The following ROBO2 variants were observed in gnomAD, a reference collection of about 807,000 sequenced individuals.
ROBO2 encodes roundabout guidance receptor 2, also known as roundabout homolog 2.
ROBO2 carries 53 observed loss-of-function variants against 160.8 expected under a neutral mutation model. The ratio of observed to expected loss-of-function variants is 0.33; its 90% CI spans 0.26 to 0.41. The LOEUF (loss-of-function observed/expected upper bound fraction) is 0.41. Ranked by LOEUF, ROBO2 falls within the 10% of genes least tolerant of loss-of-function variation. ROBO2 has a pLI of 1.00. For synonymous variants in ROBO2, 664 were observed against 611.7 expected (o/e 1.09, Z -1.26); for missense variants, 1,577 against 1,722.4 (o/e 0.92, Z 1.49).
At chr3:76,007,041 G>A (rs1050304705) in intron 2 of ROBO2, among the ~76,000 whole-genome samples, 1 of 152,042 alleles carries the variant, frequency 6.6e-6, no homozygotes, top group African/African-American at 2.4e-5. Context: ...GCAGCTACAT[G>A]TTTTGATAAT....
chr3:76,715,173 C>T (rs768102869), intron 2 of ROBO2, among the ~76,000 whole-genome samples: 7 of 151,982 alleles, frequency 4.6e-5, no homozygotes, highest in Non-Finnish European at 1.0e-4. Flanking sequence ...AGACCCAAAC[C>T]CACATTAATA....
chr3:77,541,755 A>G (rs1469497432), intron 6 of ROBO2, among the ~76,000 whole-genome samples: 5 of 152,230 alleles, frequency 3.3e-5, no homozygotes, highest in Non-Finnish European at 7.3e-5. Context: ...CATAGTTAAC[A>G]AAAGATTTTT....
chr3:77,622,176 G>C, intron 22 of ROBO2, 51 bp from the exon 24 acceptor site: 1 of 1,498,840 alleles, frequency 6.7e-7, no homozygotes. Context: ...TTATGATTTT[G>C]TTGCATGTTA....
intron 2 of ROBO2, among the ~76,000 whole-genome samples, chr3:76,985,051 G>A (rs2060298148): frequency 6.6e-6 from 1 of 151,998 alleles, no homozygotes; most frequent in African/African-American, 2.4e-5. Context: ...AGAATGATGT[G>A]AATAATCTTA....
intron 2 of ROBO2, among the ~76,000 whole-genome samples, chr3:77,238,786 C>T (rs2088483407): frequency 6.6e-6 from 1 of 152,162 alleles, no homozygotes; most frequent in South Asian, 2.1e-4. Flanking sequence ...CATATACTTT[C>T]TCCCAGTGTA....
chr3:77,190,905 G>T (rs189842760), intron 2 of ROBO2, among the ~76,000 whole-genome samples: 1 of 151,978 alleles, frequency 6.6e-6, no homozygotes, highest in Non-Finnish European at 1.5e-5. Context: ...AAGGTGAATA[G>T]TCCTGCTGGC....
intron 2 of ROBO2, among the ~76,000 whole-genome samples, chr3:75,971,015 C>G (rs1345904923): frequency 1.3e-5 from 2 of 150,882 alleles, no homozygotes; most frequent in African/African-American, 2.4e-5. Flanking sequence ...AAATTCAAAA[C>G]TTTTAATGGA....
At chr3:77,008,828 T>C (rs1311084370) in intron 2 of ROBO2, among the ~76,000 whole-genome samples, 3 of 152,192 alleles carry the variant, frequency 2.0e-5, no homozygotes, top group African/African-American at 4.8e-5. Flanking sequence ...ATGAGAACAC[T>C]TCATGAAAGC....
chr3:76,579,494 A>C (rs2085514337), intron 2 of ROBO2, among the ~76,000 whole-genome samples: 1 of 152,200 alleles, frequency 6.6e-6, no homozygotes, highest in African/African-American at 2.4e-5. Context: ...AGAAATGAAT[A>C]AATGATTGAA....
intron 1 of ROBO2, among the ~76,000 whole-genome samples, chr3:77,053,304 GTCATTC>G (rs1225922253): frequency 1.3e-5 from 2 of 152,134 alleles, no homozygotes; most frequent in African/African-American, 4.8e-5. Context: ...TTTTTAAAAA[GTCATTC>G]TCATTCTATT....
chr3:77,612,201 TCA>T (rs1444786732), intron 21 of ROBO2, among the ~76,000 whole-genome samples: 2 of 152,344 alleles, frequency 1.3e-5, no homozygotes, highest in South Asian at 2.1e-4. Context: ...AGCAGCATTT[TCA>T]CAGTCTTTTT....
chr3:75,956,374 T>C (rs1948723148), intron 2 of ROBO2, among the ~76,000 whole-genome samples: 1 of 151,668 alleles, frequency 6.6e-6, no homozygotes, highest in Admixed American at 6.6e-5. Context: ...CAAGACCTGC[T>C]CTCTGGATTG....
At chr3:76,820,735 T>C (rs542554617) in intron 2 of ROBO2, among the ~76,000 whole-genome samples, 1 of 152,010 alleles carries the variant, frequency 6.6e-6, no homozygotes, top group African/African-American at 2.4e-5. Flanking sequence ...TCTGGAAATA[T>C]GCAGTTACTG....
intron 2 of ROBO2, among the ~76,000 whole-genome samples, chr3:76,196,779 G>C (rs1279224317): frequency 6.6e-6 from 1 of 152,022 alleles, no homozygotes; most frequent in Non-Finnish European, 1.5e-5. Context: ...CTTTTCCCAA[G>C]GCTCATAAAG....
chr3:76,178,906 A>G (rs938545571), intron 2 of ROBO2, among the ~76,000 whole-genome samples: 5 of 152,086 alleles, frequency 3.3e-5, no homozygotes, highest in Non-Finnish European at 7.4e-5. Context: ...GTGCCATTGT[A>G]CTCCAGCCAG....
intron 2 of ROBO2, among the ~76,000 whole-genome samples, chr3:77,131,998 G>A (rs2075892149): frequency 9.2e-5 from 14 of 152,054 alleles, no homozygotes; most frequent in Admixed American, 9.2e-4. Flanking sequence ...AAGTTATAAA[G>A]TGAATTCATT....
At chr3:76,127,370 A>AATAT (rs1228373060) in intron 2 of ROBO2, among the ~76,000 whole-genome samples, 1 of 152,110 alleles carries the variant, frequency 6.6e-6, no homozygotes, top group Non-Finnish European at 1.5e-5. Context: ...TCTTAATATA[A>AATAT]GTCTAAATTT....
At chr3:76,050,648 T>A (rs1243388023) in intron 2 of ROBO2, among the ~76,000 whole-genome samples, 3 of 152,168 alleles carry the variant, frequency 2.0e-5, no homozygotes, top group Admixed American at 1.3e-4. Flanking sequence ...CAGTGTTTAT[T>A]TCTCCATCGA....
At chr3:77,321,542 A>G (rs2064701879) in intron 2 of ROBO2, among the ~76,000 whole-genome samples, 1 of 152,158 alleles carries the variant, frequency 6.6e-6, no homozygotes, top group African/African-American at 2.4e-5. Context: ...AAAAGAAAAA[A>G]GAAAAGTTTG....
Sources: gnomAD v4.1 joint callset for allele counts (sites outside exome capture counted in the v4.1 genomes callset) on GRCh38, gnomAD v4.1.1 for gene constraint, MANE v1.5 for transcripts, NCBI Gene and HGNC (gene_info 2026-07-23, HGNC 2026-07-21) for gene names.